GBE1: variants seen among roughly 807,000 people sequenced by gnomAD.
The protein encoded by GBE1 is 1,4-alpha-glucan branching enzyme 1.
In GBE1, 70 loss-of-function variants were observed where a neutral mutation model predicts 88.8. The observed-to-expected ratio is 0.79, with a 90% confidence interval of 0.65 to 0.96. GBE1 has a LOEUF of 0.96. Ranked by LOEUF, GBE1 falls within the 40% of genes least tolerant of loss-of-function variation. The probability of loss-of-function intolerance (pLI) is 0.00; values close to 1 mark genes in which losing one functional copy is unlikely to be tolerated. For synonymous variants in GBE1, 284 were observed against 300.1 expected (o/e 0.95, Z 0.56); for missense variants, 872 against 871.0 (o/e 1.00, Z -0.01).
At position 81,519,897 on chromosome 3, in the gene GBE1, T is replaced by G. The variant is rs922367813; in HGVS notation, c.1934+15298A>C. Among the ~76,000 whole-genome samples, 4 of 151,504 alleles carry G rather than the reference T, an allele frequency of 2.6e-5. No individual in the cohort carries two copies. The Admixed American group carries it at 2.6e-4, about 10-fold the overall frequency. On this transcript the variant is annotated intron_variant, in intron 14 of 15. Coordinates refer to ENST00000429644, the MANE Select transcript of GBE1 (RefSeq NM_000158.4). ...ACAAGTCTGTATGTAATTTTCTTAT[T>G]CTACTTATATTCCCAGAAGTATTTT...
chr3:81,510,741 TA>T (rs1426454836), intron 14 of GBE1, among the ~76,000 whole-genome samples: 13 of 151,928 alleles, frequency 8.6e-5, no homozygotes, highest in African/African-American at 2.9e-4. Flanking sequence ...AAATAAAAAA[TA>T]AAAAATAAGC....
chr3:81,642,109 C>T (rs527922979), intron 7 of GBE1, among the ~76,000 whole-genome samples: 13 of 151,632 alleles, frequency 8.6e-5, no homozygotes, highest in East Asian at 5.8e-4. Context: ...TATTTAATCA[C>T]GTAAAACACT....
intron 1 of GBE1, among the ~76,000 whole-genome samples, chr3:81,753,297 G>A (rs575392942): frequency 6.6e-6 from 1 of 152,146 alleles, no homozygotes; most frequent in Non-Finnish European, 1.5e-5. Flanking sequence ...TCAAAACAGT[G>A]GTGAACATAA....
At chr3:81,655,763 A>G (rs1490681308) in intron 3 of GBE1, among the ~76,000 whole-genome samples, 1 of 151,998 alleles carries the variant, frequency 6.6e-6, no homozygotes, top group Non-Finnish European at 1.5e-5. Context: ...CAGGTGATCC[A>G]CATGCCTCGG....
At chr3:81,609,009 A>G (rs1704138378) in intron 7 of GBE1, among the ~76,000 whole-genome samples, 2 of 152,208 alleles carry the variant, frequency 1.3e-5, no homozygotes, top group African/African-American at 4.8e-5. Flanking sequence ...AATATGGAAA[A>G]GTAACTAAAA....
chr3:81,533,558 C>A (rs1283619308), intron 14 of GBE1, among the ~76,000 whole-genome samples: 2 of 152,034 alleles, frequency 1.3e-5, no homozygotes, highest in African/African-American at 4.8e-5. Context: ...ATGCTGCAGG[C>A]TACTTACTAA....
In GBE1 at chr3:81,606,280, T is replaced by A. The variant is rs149684185; in HGVS notation, c.993-12257A>T. 2.4e-4 allele frequency among the ~76,000 whole-genome samples: 36 copies of A among 152,322 alleles called. No individual in the cohort carries two copies. The East Asian group carries it at 4.8e-3, about 20-fold the overall frequency. On this transcript the variant is annotated intron_variant, in intron 7 of 15. Transcript: ENST00000429644. ...TCAACTGTTATATACTTTTTAAAGTTCCATGGAATCTTTTAGGGTTTTTCT... is the reference window on the plus strand; with the variant it reads ...TCAACTGTTATATACTTTTTAAAGTACCATGGAATCTTTTAGGGTTTTTCT...
intron 7 of GBE1, among the ~76,000 whole-genome samples, chr3:81,622,322 T>A (rs1704344060): frequency 6.6e-6 from 1 of 152,234 alleles, no homozygotes; most frequent in African/African-American, 2.4e-5. Flanking sequence ...TTTTGAGCAC[T>A]AACTCCTTCT....
At chr3:81,553,745 G>T (rs911771581) in intron 12 of GBE1, among the ~76,000 whole-genome samples, 1 of 150,114 alleles carries the variant, frequency 6.7e-6, no homozygotes, top group African/African-American at 2.4e-5. Context: ...GGATAAAGAG[G>T]AACATATCTA....
At position 81,581,188 on chromosome 3, in the gene GBE1, C is replaced by T; in HGVS notation, c.1423G>A (p.Ala475Thr). Residue 475 changes from alanine to threonine, a missense_variant, in exon 11 of 16, where the codon GCT (alanine) becomes ACT (threonine). Coordinates refer to ENST00000429644, the MANE Select transcript of GBE1 (RefSeq NM_000158.4). Reference protein sequence around the residue: ...TNRRYLEKCIAYAESHDQALV... With the variant: ...TNRRYLEKCITYAESHDQALV... ...ACCTGATCATGGCTCTCTGCATAAGCAATGCACTTTTCAAGGTAGCGCCTG... is the reference window on the plus strand; with the variant it reads ...ACCTGATCATGGCTCTCTGCATAAGTAATGCACTTTTCAAGGTAGCGCCTG... 6.2e-7 allele frequency: 1 copy of T among 1,604,128 alleles called. No individual in the cohort carries two copies. The highest frequency in any genetic ancestry group is 8.5e-7 in the Non-Finnish European group (1 of 1,174,386).
chr3:81,708,410 C>T (rs187945337), intron 1 of GBE1, among the ~76,000 whole-genome samples: 1 of 151,882 alleles, frequency 6.6e-6, no homozygotes, highest in Non-Finnish European at 1.5e-5. Flanking sequence ...ATACAAGTGG[C>T]CAATAAACAT....
intron 10 of GBE1, among the ~76,000 whole-genome samples, chr3:81,583,054 A>G (rs936504184): frequency 5.3e-5 from 8 of 152,202 alleles, no homozygotes; most frequent in African/African-American, 1.9e-4. Flanking sequence ...GCAATCAAGA[A>G]ATGGTTAAAA....
chr3:81,539,244 C>T (rs897601554), intron 12 of GBE1, among the ~76,000 whole-genome samples: 3 of 151,942 alleles, frequency 2.0e-5, no homozygotes, highest in Non-Finnish European at 2.9e-5. Context: ...TATGGAAATA[C>T]AGGGCTAAGA....
chr3:81,582,152 T>C (rs970868557), intron 10 of GBE1, among the ~76,000 whole-genome samples: 1 of 152,086 alleles, frequency 6.6e-6, no homozygotes, highest in Non-Finnish European at 1.5e-5. Context: ...TGTCATACAA[T>C]TATGAGAACA....
chr3:81,524,888 C>T (rs1473511333), intron 14 of GBE1, among the ~76,000 whole-genome samples: 1 of 151,762 alleles, frequency 6.6e-6, no homozygotes, highest in Non-Finnish European at 1.5e-5. Context: ...TTTTGCTATT[C>T]TGGGTCTTTT....
chr3:81,608,395 T>G (rs1704131006), intron 7 of GBE1, among the ~76,000 whole-genome samples: 1 of 152,214 alleles, frequency 6.6e-6, no homozygotes, highest in African/African-American at 2.4e-5. Context: ...TGAATGTTAT[T>G]ACTTGATTAA....
intron 2 of GBE1, among the ~76,000 whole-genome samples, chr3:81,702,705 T>C (rs1705717905): frequency 6.6e-6 from 1 of 152,050 alleles, no homozygotes; most frequent in South Asian, 2.1e-4. Context: ...ATTTTAAAAG[T>C]CAATGTAAAT....
At position 81,612,551 on chromosome 3, in the gene GBE1, T is replaced by C. The variant is rs1704197257; in HGVS notation, c.993-18528A>G. On this transcript the variant is annotated intron_variant, in intron 7 of 15. Transcript: ENST00000429644. ...CCCAAGCAGTGCGAACACTGGTGGA[T>C]GGTTGAGAAATGTTGTTACCCCCAA... 5.0e-6 allele frequency: 4 copies of C among 802,618 alleles called. No individual in the cohort carries two copies. In the South Asian group the frequency reaches 5.3e-5, roughly 11 times the overall value. 49.7% of individuals were successfully genotyped at this position (802,618 alleles called of 1,614,324 possible).
intron 2 of GBE1, among the ~76,000 whole-genome samples, chr3:81,692,820 T>C (rs1055933792): frequency 1.3e-5 from 2 of 152,184 alleles, no homozygotes; most frequent in Non-Finnish European, 2.9e-5. Flanking sequence ...ATTAAATATA[T>C]CTATGGCAAC....
Sources: allele counts gnomAD v4.1 joint callset (sites outside exome capture counted in the v4.1 genomes callset), GRCh38; gene constraint gnomAD v4.1.1; transcripts MANE v1.5; gene names NCBI Gene and HGNC (gene_info 2026-07-23, HGNC 2026-07-21).